Variants in CDH13 observed in about 807,000 individuals in gnomAD.
The protein encoded by CDH13 is cadherin-13.
In CDH13, 24 loss-of-function variants were observed where a neutral mutation model predicts 63.8. That is an observed-to-expected ratio of 0.38 (90% confidence interval 0.27 to 0.53). CDH13 has a LOEUF of 0.53. CDH13 is among the 20% of genes least tolerant of loss of function. The pLI, the probability that CDH13 is intolerant of heterozygous loss-of-function variation, is 0.85. For synonymous variants in CDH13, 503 were observed against 355.3 expected (o/e 1.42, Z -4.67); for missense variants, 1,049 against 903.1 (o/e 1.16, Z -2.07).
chr16:83,212,836 T>C (rs532919279), intron 4 of CDH13, among the ~76,000 whole-genome samples: 2 of 152,258 alleles, frequency 1.3e-5, no homozygotes, highest in African/African-American at 4.8e-5. Flanking sequence ...AGCCTGGGAA[T>C]TTGCGTTTTT....
chr16:83,357,873 T>A (rs1428961106), intron 6 of CDH13, among the ~76,000 whole-genome samples: 2 of 152,156 alleles, frequency 1.3e-5, no homozygotes, highest in African/African-American at 2.4e-5. Context: ...CTAAGCAGGA[T>A]CAATGGACAT....
Position 83,380,373 on chromosome 16 carries a change from C to G in CDH13, c.781+35367C>G, listed in dbSNP as rs117029103. On this transcript the variant is annotated intron_variant, in intron 6 of 13. Coordinates refer to ENST00000567109, the MANE Select transcript of CDH13 (RefSeq NM_001257.5). Reference sequence around the variant, plus strand: ...GAAACTGAAGAAGGAAGGTAACCATCATTGGTTGCTGACTGTCAGCCCATT... The same window carrying G: ...GAAACTGAAGAAGGAAGGTAACCATGATTGGTTGCTGACTGTCAGCCCATT... 2.1e-3 allele frequency among the ~76,000 whole-genome samples: 319 copies of G among 152,240 alleles called. 4 individuals are homozygous for G. The highest frequency in any genetic ancestry group is 9.1e-4 in the Non-Finnish European group (62 of 68,026).
intron 4 of CDH13, among the ~76,000 whole-genome samples, chr16:83,157,272 G>T (rs771357241): frequency 4.1e-5 from 6 of 145,290 alleles, no homozygotes; most frequent in Non-Finnish European, 7.6e-5. Context: ...ACAGACCCTT[G>T]CTATCATTTG....
intron 2 of CDH13, among the ~76,000 whole-genome samples, chr16:82,937,794 T>C (rs755742613): frequency 1.3e-5 from 2 of 152,256 alleles, no homozygotes; most frequent in Non-Finnish European, 2.9e-5. Flanking sequence ...TATATTCTGA[T>C]GATTTGTAGA....
chr16:83,058,397 C>T (rs76652947), intron 3 of CDH13, among the ~76,000 whole-genome samples: 35,012 of 152,220 alleles, frequency 0.23, 4,361 homozygotes, highest in East Asian at 0.53. Context: ...TCTTCTCTGG[C>T]GGTTTGGTGT....
intron 7 of CDH13, among the ~76,000 whole-genome samples, chr16:83,582,364 G>A (rs1905697019): frequency 6.6e-6 from 1 of 152,146 alleles, no homozygotes; most frequent in Admixed American, 6.5e-5. Context: ...CCTAATGCTA[G>A]CAGCATCCCT....
chr16:83,584,512 C>T (rs1222341729), intron 7 of CDH13, among the ~76,000 whole-genome samples: 1 of 152,040 alleles, frequency 6.6e-6, no homozygotes, highest in African/African-American at 2.4e-5. Context: ...AGAAAGTGAC[C>T]CCTGAGGCGG....
chr16:83,381,306 G>A (rs1003698035), intron 6 of CDH13, among the ~76,000 whole-genome samples: 1 of 151,750 alleles, frequency 6.6e-6, no homozygotes, highest in Non-Finnish European at 1.5e-5. Context: ...AGAAATCGTG[G>A]ACTCCCCCTT....
intron 2 of CDH13, among the ~76,000 whole-genome samples, chr16:82,943,008 G>A (rs545203447): frequency 1.1e-4 from 16 of 152,316 alleles, no homozygotes; most frequent in African/African-American, 3.8e-4. Context: ...CTAAGAATGA[G>A]CTAATTGATT....
chr16:83,142,792 C>T (rs912658869), intron 4 of CDH13, among the ~76,000 whole-genome samples: 2 of 152,000 alleles, frequency 1.3e-5, no homozygotes, highest in African/African-American at 4.8e-5. Context: ...CTCCAGTGGT[C>T]TCTCTACAAG....
chr16:83,587,415 C>T (rs1234770458), intron 7 of CDH13, among the ~76,000 whole-genome samples: 2 of 152,188 alleles, frequency 1.3e-5, no homozygotes, highest in South Asian at 2.1e-4. Flanking sequence ...ACCGACCCCT[C>T]GGTGAGCTCC....
intron 2 of CDH13, among the ~76,000 whole-genome samples, chr16:82,935,030 G>A (rs1026828263): frequency 2.0e-5 from 3 of 152,196 alleles, no homozygotes; most frequent in East Asian, 1.9e-4. Context: ...CCGCTCCCTC[G>A]GTACCAATTT....
At chr16:83,787,565 T>C (rs1420986233) in intron 13 of CDH13, among the ~76,000 whole-genome samples, 1 of 152,192 alleles carries the variant, frequency 6.6e-6, no homozygotes, top group Non-Finnish European at 1.5e-5. Context: ...ATCTACGTTT[T>C]CCACCAGCTT....
chr16:83,319,161 C>G (rs1011810409), intron 5 of CDH13, among the ~76,000 whole-genome samples: 2 of 152,040 alleles, frequency 1.3e-5, no homozygotes, highest in Non-Finnish European at 2.9e-5. Context: ...TGCTTGTTGT[C>G]TCTTATAGAA....
At chr16:82,815,795 C>T (rs57915989) in intron 1 of CDH13, among the ~76,000 whole-genome samples, 2,886 of 152,152 alleles carry the variant, frequency 0.019, 92 homozygotes, top group African/African-American at 0.064. Flanking sequence ...GCTTTAATTT[C>T]AATAATTTGA....
chr16:83,310,378 G>A (rs61061538), intron 5 of CDH13, among the ~76,000 whole-genome samples: 4,035 of 152,248 alleles, frequency 0.027, 158 homozygotes, highest in African/African-American at 0.089. Flanking sequence ...AAATAGTAAA[G>A]ATCTGAAAAT....
At chr16:83,033,093 T>G (rs1204893453) in intron 3 of CDH13, among the ~76,000 whole-genome samples, 1 of 152,230 alleles carries the variant, frequency 6.6e-6, no homozygotes, top group Non-Finnish European at 1.5e-5. Context: ...TACTTATGTG[T>G]ATATGTACAC....
intron 2 of CDH13, among the ~76,000 whole-genome samples, chr16:82,932,050 G>A (rs1438536699): frequency 6.6e-6 from 1 of 152,134 alleles, no homozygotes; most frequent in Non-Finnish European, 1.5e-5. Flanking sequence ...GAAAATCACT[G>A]TAGTTAGTGG....
At chr16:82,877,422 C>T (rs879944790) in intron 2 of CDH13, among the ~76,000 whole-genome samples, 15 of 152,090 alleles carry the variant, frequency 9.9e-5, no homozygotes, top group South Asian at 2.1e-4. Flanking sequence ...GTCAGGTTGA[C>T]GAAGGTGATC....
Sources: allele counts gnomAD v4.1 joint callset (sites outside exome capture counted in the v4.1 genomes callset), GRCh38; gene constraint gnomAD v4.1.1; transcripts MANE v1.5; gene names NCBI Gene and HGNC (gene_info 2026-07-23, HGNC 2026-07-21).